SSH2: variants seen among roughly 807,000 people sequenced by gnomAD.
SSH2 encodes the protein slingshot protein phosphatase 2, also known as protein phosphatase Slingshot homolog 2.
A neutral mutation model predicts 135.2 loss-of-function variants in SSH2; 37 were observed. That is an observed-to-expected ratio of 0.27 (90% CI 0.21 to 0.36). The LOEUF (loss-of-function observed/expected upper bound fraction) is 0.36, where lower values mean the gene tolerates loss of function less well. Ranked by LOEUF, SSH2 falls within the 10% of genes least tolerant of loss-of-function variation. SSH2 has a pLI of 1.00. For synonymous variants in SSH2, 628 were observed against 646.2 expected (o/e 0.97, Z 0.43); for missense variants, 1,408 against 1,765.3 (o/e 0.80, Z 3.63).
chr17:29,660,306 C>T (rs1456010392), intron 11 of SSH2, among the ~76,000 whole-genome samples: 4 of 150,164 alleles, frequency 2.7e-5, no homozygotes, highest in Admixed American at 6.7e-5. Flanking sequence ...CTCGCTCTGT[C>T]GCCAGGCTGG....
chr17:29,787,153 AT>A (rs1229625370), intron 3 of SSH2, among the ~76,000 whole-genome samples: 2 of 152,208 alleles, frequency 1.3e-5, no homozygotes, highest in Admixed American at 1.3e-4. Context: ...CACTCCATCC[AT>A]CCCCCAGTCA....
intron 1 of SSH2, among the ~76,000 whole-genome samples, chr17:29,898,314 C>A (rs1341573818): frequency 6.6e-6 from 1 of 152,000 alleles, no homozygotes; most frequent in Non-Finnish European, 1.5e-5. Context: ...CACAAAAAAA[C>A]CCTTCAAAAA....
At position 29,648,281 on chromosome 17, in the gene SSH2, C is replaced by A; in HGVS notation, c.1290G>T (p.Val430=). The change falls in exon 14 of 16, where the codon GTG becomes GTT. Residue 430 remains valine (V), a synonymous_variant. Coordinates refer to ENST00000540801, the MANE Select transcript of SSH2 (RefSeq NM_001282129.2). ...CATATTCCTTCATTGCATAGGCAAT[C>A]ACGGTGGAGGCTGAGCGACTCACCC... is the stretch of plus-strand genomic sequence containing the variant. ...KMGVSRSAST[V]IAYAMKEYGW... is the part of the protein sequence containing the mutation. The A allele has an allele frequency of 6.2e-7, 1 of 1,614,204 alleles. No individual in the cohort carries two copies. The highest frequency in any genetic ancestry group is 1.7e-5 in the Admixed American group (1 of 60,022).
intron 4 of SSH2, among the ~76,000 whole-genome samples, chr17:29,697,801 T>C (rs2038817306): frequency 6.6e-6 from 1 of 152,202 alleles, no homozygotes; most frequent in African/African-American, 2.4e-5. Context: ...TCCATTCTAC[T>C]ACATTTCAAG....
chr17:29,709,976 AAG>A (rs1268341241), intron 3 of SSH2, among the ~76,000 whole-genome samples: 1 of 152,200 alleles, frequency 6.6e-6, no homozygotes. Flanking sequence ...TCACTTCCTA[AAG>A]TATGACATTT....
intron 5 of SSH2, among the ~76,000 whole-genome samples, chr17:29,694,946 G>A (rs1285634690): frequency 2.6e-5 from 4 of 152,120 alleles, no homozygotes; most frequent in Non-Finnish European, 4.4e-5. Flanking sequence ...CCCTCTCAAC[G>A]TGAGAGGTAG....
At chr17:29,834,776 AT>A (rs1298199025) in intron 2 of SSH2, among the ~76,000 whole-genome samples, 6 of 151,996 alleles carry the variant, frequency 3.9e-5, no homozygotes, top group African/African-American at 1.2e-4. Context: ...AGGCAACTTA[AT>A]TTTTTTCCAT....
At chr17:29,808,273 C>A (rs1372945731) in intron 2 of SSH2, among the ~76,000 whole-genome samples, 2 of 152,186 alleles carry the variant, frequency 1.3e-5, no homozygotes, top group Non-Finnish European at 2.9e-5. Flanking sequence ...GGATTACAGG[C>A]GCCCGCCATC....
At chr17:29,777,811 A>AC (rs1882233786) in intron 3 of SSH2, 2 of 152,560 alleles carry the variant, frequency 1.3e-5, no homozygotes, top group African/African-American at 2.4e-5. Context: ...AAAAAAAAAA[A>AC]AAAACCTGAT....
chr17:29,810,448 T>G (rs1474986884), intron 2 of SSH2, among the ~76,000 whole-genome samples: 1 of 152,250 alleles, frequency 6.6e-6, no homozygotes, highest in African/African-American at 2.4e-5. Flanking sequence ...TAGCTTCTAT[T>G]TTTTAACTTG....
At chr17:29,792,767 C>G (rs902237633) in intron 3 of SSH2, among the ~76,000 whole-genome samples, 7 of 152,232 alleles carry the variant, frequency 4.6e-5, no homozygotes, top group African/African-American at 1.7e-4. Context: ...AGCTCCGCCT[C>G]CCGTGTTCAC....
At chr17:29,699,257 C>T (rs896784632) in intron 4 of SSH2, among the ~76,000 whole-genome samples, 2 of 152,138 alleles carry the variant, frequency 1.3e-5, no homozygotes, top group Non-Finnish European at 2.9e-5. Flanking sequence ...ACCCATAATA[C>T]CCTTTTTTGA....
At chr17:29,890,906 C>A (rs2066336562) in intron 1 of SSH2, among the ~76,000 whole-genome samples, 1 of 152,114 alleles carries the variant, frequency 6.6e-6, no homozygotes, top group Non-Finnish European at 1.5e-5. Flanking sequence ...CAGGCACACG[C>A]CACCAGACCC....
intron 2 of SSH2, among the ~76,000 whole-genome samples, chr17:29,812,695 C>T (rs2042466263): frequency 6.6e-6 from 1 of 152,042 alleles, no homozygotes; most frequent in Admixed American, 6.6e-5. Flanking sequence ...TCGAGACCAT[C>T]CTGGCTAACA....
chr17:29,860,415 C>T lies in SSH2; in HGVS notation c.64-11486G>A, dbSNP rs867136677. Among the ~76,000 whole-genome samples the T allele has an allele frequency of 2.7e-5, 4 of 148,298 alleles. No homozygotes were observed. The East Asian group carries it at 5.9e-4, about 22-fold the overall frequency. On this transcript the variant is annotated intron_variant, in intron 1 of 15. Coordinates refer to ENST00000540801, the MANE Select transcript of SSH2 (RefSeq NM_001282129.2). ...AACATGTACTTCTTCTTTTGAAAAGCGTCTCTTCATGGCCTTTGCCCACTT... is the reference window on the plus strand; with the variant it reads ...AACATGTACTTCTTCTTTTGAAAAGTGTCTCTTCATGGCCTTTGCCCACTT...
chr17:29,698,334 G>C (rs1395121900), intron 4 of SSH2, among the ~76,000 whole-genome samples: 1 of 152,210 alleles, frequency 6.6e-6, no homozygotes, highest in East Asian at 1.9e-4. Context: ...TGAGTAAACT[G>C]GGTGAATTAT....
intron 3 of SSH2, among the ~76,000 whole-genome samples, chr17:29,725,783 C>A (rs2039983660): frequency 6.6e-6 from 1 of 152,074 alleles, no homozygotes; most frequent in African/African-American, 2.4e-5. Context: ...AGCAGTAGGA[C>A]AAATATCTAA....
intron 5 of SSH2, among the ~76,000 whole-genome samples, chr17:29,693,674 A>G (rs767137631): frequency 3.3e-5 from 5 of 152,192 alleles, no homozygotes; most frequent in African/African-American, 4.8e-5. Flanking sequence ...ATAAATGTAT[A>G]ATGTTACTTT....
At chr17:29,798,451 C>T (rs1432116560) in intron 2 of SSH2, among the ~76,000 whole-genome samples, 1 of 152,086 alleles carries the variant, frequency 6.6e-6, no homozygotes, top group Non-Finnish European at 1.5e-5. Flanking sequence ...GCCACCGTGC[C>T]CAGCTCAATC....
Sources: allele counts gnomAD v4.1 joint callset (sites outside exome capture counted in the v4.1 genomes callset), GRCh38; gene constraint gnomAD v4.1.1; transcripts MANE v1.5; gene names NCBI Gene and HGNC (gene_info 2026-07-23, HGNC 2026-07-21).